Variants in RTL4 observed in about 807,000 individuals in gnomAD.
RTL4 encodes the protein retrotransposon Gag-like protein 4.
Under a neutral mutation model 5.3 loss-of-function variants are expected in RTL4, and 4 were observed. The ratio of observed to expected loss-of-function variants is 0.75; its 90% CI spans 0.37 to 1.72. The LOEUF is 1.72. Ranked by LOEUF, RTL4 falls within the 40% of genes most tolerant of loss-of-function variation. The probability of loss-of-function intolerance (pLI) is 0.04; values close to 1 mark genes in which losing one functional copy is unlikely to be tolerated. For missense variants in RTL4, 260 were observed against 227.1 expected (o/e 1.14, Z -0.93); for synonymous variants, 98 against 87.3 (o/e 1.12, Z -0.68).
the RTL4 span, among the ~76,000 whole-genome samples, chrX:112,317,679 A>G: frequency 8.9e-6 from 1 of 112,003 alleles, no homozygotes; most frequent in African/African-American, 3.2e-5. Flanking sequence ...TGTGTCAGAC[A>G]TGGTGCTCAA....
chrX:112,251,743 C>T, the RTL4 span, among the ~76,000 whole-genome samples: 12 of 111,647 alleles, frequency 1.1e-4, no homozygotes, highest in African/African-American at 3.9e-4. Flanking sequence ...AAAAGGTTTA[C>T]AGCCATAGCT....
At chrX:112,455,724 T>C in exon 1 of RTL4, 1 of 1,040,214 alleles carries the variant, frequency 9.6e-7, no homozygotes, top group East Asian at 3.2e-5. Flanking sequence ...ATAACCTGCA[T>C]TAACTTTTAA....
the RTL4 span, among the ~76,000 whole-genome samples, chrX:112,267,549 T>G: frequency 8.9e-6 from 1 of 111,850 alleles, no homozygotes; most frequent in African/African-American, 3.2e-5. Flanking sequence ...CTCGTTGCCT[T>G]GGCAATCTCA....
the RTL4 span, among the ~76,000 whole-genome samples, chrX:112,267,654 T>C: frequency 9.0e-6 from 1 of 111,660 alleles, no homozygotes; most frequent in Non-Finnish European, 1.9e-5. Flanking sequence ...GACTCATACT[T>C]CCAAAATGGA....
At chrX:112,430,111 A>C in the RTL4 span, among the ~76,000 whole-genome samples, 1 of 111,241 alleles carries the variant, frequency 9.0e-6, no homozygotes, top group Non-Finnish European at 1.9e-5. Context: ...ATTCTCAGTC[A>C]TTATTGTTTC....
chrX:112,194,877 G>T, the RTL4 span, among the ~76,000 whole-genome samples: 323 of 112,023 alleles, frequency 2.9e-3, 1 homozygote, highest in African/African-American at 9.8e-3. Flanking sequence ...TAAGCCACGG[G>T]GTGCTGAAGG....
chrX:112,189,712 C>A, the RTL4 span, among the ~76,000 whole-genome samples: 9 of 109,771 alleles, frequency 8.2e-5, no homozygotes, highest in African/African-American at 3.0e-4. Context: ...TGCAGTGAGC[C>A]AAGATCATGC....
chrX:112,235,478 G>A, the RTL4 span, among the ~76,000 whole-genome samples: 10 of 111,779 alleles, frequency 8.9e-5, no homozygotes, highest in Admixed American at 5.7e-4. Context: ...TTCACTGACA[G>A]GACTTTTTTC....
the RTL4 span, among the ~76,000 whole-genome samples, chrX:112,246,701 T>A: frequency 9.0e-6 from 1 of 111,492 alleles, no homozygotes; most frequent in African/African-American, 3.3e-5. Flanking sequence ...CCACCCTGCT[T>A]CAGCTCACCC....
chrX:112,213,042 C>T, the RTL4 span, among the ~76,000 whole-genome samples: 1 of 111,674 alleles, frequency 9.0e-6, no homozygotes, highest in African/African-American at 3.3e-5. Context: ...AATATGTTTT[C>T]CCTATGGGAG....
At chrX:112,431,612 T>G in the RTL4 span, among the ~76,000 whole-genome samples, 3 of 111,962 alleles carry the variant, frequency 2.7e-5, no homozygotes, top group East Asian at 8.5e-4. Context: ...CTCTCTAATT[T>G]AGGGGGCAGC....
chrX:112,432,799 C>A, the RTL4 span, among the ~76,000 whole-genome samples: 1 of 109,889 alleles, frequency 9.1e-6, no homozygotes, highest in African/African-American at 3.3e-5. Context: ...GACATGAAGT[C>A]CTTGCCCATG....
chrX:112,127,330 C>T, the RTL4 span, among the ~76,000 whole-genome samples: 67 of 110,983 alleles, frequency 6.0e-4, no homozygotes, highest in African/African-American at 2.1e-3. Flanking sequence ...ATCACATGAT[C>T]ATCTGAACTG....
At chrX:112,151,017 T>C in the RTL4 span, among the ~76,000 whole-genome samples, 1 of 112,037 alleles carries the variant, frequency 8.9e-6, no homozygotes, top group Non-Finnish European at 1.9e-5. Flanking sequence ...TTTCTCTCCT[T>C]CCCATGGAAA....
the RTL4 span, among the ~76,000 whole-genome samples, chrX:112,224,868 G>A: frequency 9.0e-6 from 1 of 111,651 alleles, no homozygotes; most frequent in Non-Finnish European, 1.9e-5. Context: ...ACTCAGCCAC[G>A]AAACAGTGTC....
chrX:112,298,471 T>A, the RTL4 span, among the ~76,000 whole-genome samples: 1 of 112,408 alleles, frequency 8.9e-6, no homozygotes, highest in African/African-American at 3.2e-5. Flanking sequence ...AAATTAGGAT[T>A]CTTCTTCTCA....
At chrX:112,153,787 C>T in the RTL4 span, among the ~76,000 whole-genome samples, 5 of 111,127 alleles carry the variant, frequency 4.5e-5, no homozygotes, top group Admixed American at 4.8e-4. Context: ...TTGTACCGTT[C>T]GATTGTGGTA....
the RTL4 span, among the ~76,000 whole-genome samples, chrX:112,098,230 A>G: frequency 4.7e-5 from 5 of 106,077 alleles, no homozygotes; most frequent in Non-Finnish European, 7.7e-5. Context: ...TCTCCTTGTG[A>G]TAGTTTGCTG....
At chrX:112,306,420 G>A in the RTL4 span, among the ~76,000 whole-genome samples, 5 of 111,093 alleles carry the variant, frequency 4.5e-5, no homozygotes, top group African/African-American at 1.3e-4. Context: ...TCACTTAAGC[G>A]TCATGAAATC....
Sources: allele counts gnomAD v4.1 joint callset (sites outside exome capture counted in the v4.1 genomes callset), GRCh38; gene constraint gnomAD v4.1.1; transcripts MANE v1.5; gene names NCBI Gene and HGNC (gene_info 2026-07-23, HGNC 2026-07-21).